The following FHIT variants were observed in gnomAD, a reference collection of about 807,000 sequenced individuals.
FHIT encodes the protein bis(5'-adenosyl)-triphosphatase.
Under a neutral mutation model 17.9 loss-of-function variants are expected in FHIT, and 19 were observed. The ratio of observed to expected loss-of-function variants is 1.06; its 90% CI spans 0.74 to 1.56. FHIT has a LOEUF of 1.56. Among genes scored for constraint, FHIT ranks in the 40% most tolerant of loss-of-function variants. FHIT has a pLI of 0.00. For synonymous variants in FHIT, 81 were observed against 69.7 expected (o/e 1.16, Z -0.81); for missense variants, 248 against 189.2 (o/e 1.31, Z -1.82).
intron 5 of FHIT, among the ~76,000 whole-genome samples, chr3:60,205,515 C>G (rs945681588): frequency 6.6e-6 from 1 of 151,942 alleles, no homozygotes; most frequent in East Asian, 1.9e-4. Flanking sequence ...AAGGATAGAG[C>G]CACCTAAAAA....
At chr3:60,418,376 GTATATATATATA>G (rs869203310) in intron 5 of FHIT, among the ~76,000 whole-genome samples, 58 of 14,934 alleles carry the variant, frequency 3.9e-3, no homozygotes, top group African/African-American at 0.012. Context: ...CTGAATGTGT[GTATATATATATA>G]TATATATATA....
intron 2 of FHIT, among the ~76,000 whole-genome samples, chr3:61,119,869 T>A (rs1054833287): frequency 1.3e-5 from 2 of 152,160 alleles, no homozygotes; most frequent in Non-Finnish European, 2.9e-5. Context: ...GGTCTCCTGG[T>A]TTTCAGCCCT....
chr3:60,682,477 AATG>A (rs1210606528), intron 4 of FHIT, among the ~76,000 whole-genome samples: 1 of 152,202 alleles, frequency 6.6e-6, no homozygotes, highest in Non-Finnish European at 1.5e-5. Flanking sequence ...GGCCCTTAAG[AATG>A]ATACTACACC....
At chr3:60,725,186 C>A (rs1553709129) in intron 4 of FHIT, among the ~76,000 whole-genome samples, 2 of 152,086 alleles carry the variant, frequency 1.3e-5, no homozygotes, top group Non-Finnish European at 2.9e-5. Flanking sequence ...TATTCTATCT[C>A]CAAGTTTCTT....
chr3:60,083,984 C>A (rs960362955), intron 5 of FHIT, among the ~76,000 whole-genome samples: 6 of 152,212 alleles, frequency 3.9e-5, no homozygotes, highest in African/African-American at 1.2e-4. Flanking sequence ...TCTGTGATAA[C>A]TGGCACGTTT....
At chr3:60,562,813 C>T (rs1183050677) in intron 4 of FHIT, among the ~76,000 whole-genome samples, 1 of 152,142 alleles carries the variant, frequency 6.6e-6, no homozygotes, top group African/African-American at 2.4e-5. Flanking sequence ...TCCACCAAGC[C>T]TGGCCTCTAT....
At chr3:60,166,980 A>G (rs573108145) in intron 5 of FHIT, among the ~76,000 whole-genome samples, 1 of 152,242 alleles carries the variant, frequency 6.6e-6, no homozygotes, top group South Asian at 2.1e-4. Context: ...CACCTGTGAG[A>G]CTACTTTCTG....
chr3:61,109,561 C>G (rs1394011419), intron 2 of FHIT, among the ~76,000 whole-genome samples: 1 of 152,120 alleles, frequency 6.6e-6, no homozygotes, highest in African/African-American at 2.4e-5. Flanking sequence ...TGTATGTAAG[C>G]CCCCAGTAAA....
At chr3:61,034,941 C>T (rs996797023) in intron 3 of FHIT, among the ~76,000 whole-genome samples, 1 of 152,138 alleles carries the variant, frequency 6.6e-6, no homozygotes, top group African/African-American at 2.4e-5. Flanking sequence ...TATATCCATA[C>T]AATGCAATAT....
intron 8 of FHIT, among the ~76,000 whole-genome samples, chr3:59,919,096 C>T (rs1032462363): frequency 6.6e-6 from 1 of 152,124 alleles, no homozygotes; most frequent in African/African-American, 2.4e-5. Context: ...ACAAAAAACC[C>T]CCCACTATTT....
intron 4 of FHIT, among the ~76,000 whole-genome samples, chr3:60,668,402 C>T (rs1716706): frequency 0.5 from 68,157 of 137,362 alleles, 18,429 homozygotes; most frequent in Non-Finnish European, 0.59. Context: ...AAAAAATCAG[C>T]CTCCCTGAGC....
chr3:59,820,908 A>G (rs1419142426), intron 8 of FHIT, among the ~76,000 whole-genome samples: 1 of 152,250 alleles, frequency 6.6e-6, no homozygotes, highest in African/African-American at 2.4e-5. Flanking sequence ...TACCAGTTTC[A>G]TATTTCCAAC....
chr3:60,848,073 TC>T (rs1309027114), intron 3 of FHIT, among the ~76,000 whole-genome samples: 1 of 152,186 alleles, frequency 6.6e-6, no homozygotes, highest in East Asian at 1.9e-4. Context: ...TCTAGGCAGC[TC>T]CCAAATGACT....
In FHIT at chr3:60,063,209, T is replaced by G. The variant is rs78787945; in HGVS notation, c.104-49057A>C. ...TGGAATTGGTAGTTTGAGTACATTA[T>G]AGTTAGATCTCCATTGAGCAACAAG... On this transcript the variant is annotated intron_variant, in intron 5 of 9. Transcript: ENST00000492590. 9.9e-3 allele frequency among the ~76,000 whole-genome samples: 1,502 copies of G among 152,270 alleles called. 29 individuals carry two copies. Among genetic ancestry groups the G allele is most frequent in the African/African-American group, 0.033 (1,355 of 41,550 alleles).
At chr3:60,457,148 G>C (rs1460053136) in intron 5 of FHIT, among the ~76,000 whole-genome samples, 1 of 152,058 alleles carries the variant, frequency 6.6e-6, no homozygotes, top group East Asian at 1.9e-4. Flanking sequence ...AAAGAACAAA[G>C]CTGGAGGCAT....
chr3:61,211,841 C>T (rs922292181), intron 1 of FHIT, among the ~76,000 whole-genome samples: 3 of 152,184 alleles, frequency 2.0e-5, no homozygotes, highest in East Asian at 1.9e-4. Context: ...GCAGCATTCG[C>T]GGTTCACGAA....
intron 5 of FHIT, among the ~76,000 whole-genome samples, chr3:60,235,469 A>T (rs1360581034): frequency 6.6e-6 from 1 of 151,948 alleles, no homozygotes; most frequent in Non-Finnish European, 1.5e-5. Context: ...TGACCTCGTG[A>T]TCTGCTGGCC....
At chr3:60,519,353 C>A (rs773019615) in intron 5 of FHIT, among the ~76,000 whole-genome samples, 7 of 152,132 alleles carry the variant, frequency 4.6e-5, no homozygotes, top group Non-Finnish European at 1.0e-4. Flanking sequence ...TGGTAGACTG[C>A]ATTAAAAACA....
intron 5 of FHIT, among the ~76,000 whole-genome samples, chr3:60,073,072 T>A (rs1033768814): frequency 6.6e-6 from 1 of 152,190 alleles, no homozygotes; most frequent in East Asian, 1.9e-4. Flanking sequence ...TTCTTTCCTA[T>A]TGGGGGAAAT....
Sources: gnomAD v4.1 joint callset for allele counts (sites outside exome capture counted in the v4.1 genomes callset) on GRCh38, gnomAD v4.1.1 for gene constraint, MANE v1.5 for transcripts, NCBI Gene and HGNC (gene_info 2026-07-23, HGNC 2026-07-21) for gene names.